Variants in MCTP2 observed in about 807,000 individuals in gnomAD.
MCTP2 encodes multiple C2 and transmembrane domain containing 2, also known as multiple C2 and transmembrane domain-containing protein 2.
A neutral mutation model predicts 111.6 loss-of-function variants in MCTP2; 132 were observed. The observed-to-expected ratio is 1.18, with a 90% CI of 1.03 to 1.37. The LOEUF (loss-of-function observed/expected upper bound fraction) is 1.37, where lower values mean the gene tolerates loss of function less well. Among genes scored for constraint, MCTP2 ranks in the 40% most tolerant of loss-of-function variants. The pLI is 0.00. For synonymous variants in MCTP2, 395 were observed against 387.7 expected, an observed-to-expected ratio of 1.02 and a Z score of -0.22; for missense variants, 1,183 against 1,067.9, an observed-to-expected ratio of 1.11 and a Z score of -1.50.
intron 1 of MCTP2, among the ~76,000 whole-genome samples, chr15:94,292,092 A>C (rs772341769): frequency 4.6e-5 from 7 of 152,234 alleles, no homozygotes; most frequent in Admixed American, 6.5e-5. Flanking sequence ...ATAAATCATA[A>C]AGACAAGAGT....
intron 1 of MCTP2, among the ~76,000 whole-genome samples, chr15:94,270,907 T>TAG (rs1157575554): frequency 6.6e-6 from 1 of 152,220 alleles, no homozygotes; most frequent in Non-Finnish European, 1.5e-5. Flanking sequence ...TGTAAGCAAG[T>TAG]ACTCTGCCTT....
intron 2 of MCTP2, among the ~76,000 whole-genome samples, chr15:94,304,736 A>G (rs1404858810): frequency 2.0e-5 from 3 of 152,078 alleles, no homozygotes; most frequent in East Asian, 1.9e-4. Flanking sequence ...CCATCTCACA[A>G]TGGGTACTGA....
intron 4 of MCTP2, among the ~76,000 whole-genome samples, chr15:94,323,618 C>T (rs532377154): frequency 6.6e-4 from 101 of 152,104 alleles, no homozygotes; most frequent in African/African-American, 2.0e-3. Flanking sequence ...ACTAAGCAGC[C>T]CTGTTATTAT....
intron 17 of MCTP2, among the ~76,000 whole-genome samples, chr15:94,437,823 G>A (rs1362182062): frequency 6.6e-6 from 1 of 152,016 alleles, no homozygotes; most frequent in Non-Finnish European, 1.5e-5. Flanking sequence ...ACACACTCAT[G>A]TGGGAACTTG....
chr15:94,465,747 T>C (rs940079932), intron 20 of MCTP2, among the ~76,000 whole-genome samples: 1 of 152,210 alleles, frequency 6.6e-6, no homozygotes, highest in Non-Finnish European at 1.5e-5. Flanking sequence ...TTAATAGTAG[T>C]GTTTACTTGC....
chr15:94,310,045 C>T (rs1004590617), intron 2 of MCTP2, among the ~76,000 whole-genome samples: 1 of 152,160 alleles, frequency 6.6e-6, no homozygotes, highest in Non-Finnish European at 1.5e-5. Context: ...TGAGTATGTA[C>T]TTGTACAAAA....
At chr15:94,447,966 A>G (rs946938773) in intron 19 of MCTP2, among the ~76,000 whole-genome samples, 1 of 152,190 alleles carries the variant, frequency 6.6e-6, no homozygotes, top group Non-Finnish European at 1.5e-5. Flanking sequence ...ATTTGATTTA[A>G]TATGGTTTTT....
chr15:94,266,777 A>G (rs1306405021), intron 1 of MCTP2, among the ~76,000 whole-genome samples: 1 of 152,226 alleles, frequency 6.6e-6, no homozygotes, highest in Non-Finnish European at 1.5e-5. Flanking sequence ...GTCTTGCCAT[A>G]TAAAAGGAAA....
intron 20 of MCTP2, among the ~76,000 whole-genome samples, chr15:94,459,456 G>A (rs1019593678): frequency 7.9e-5 from 12 of 152,020 alleles, no homozygotes; most frequent in South Asian, 2.1e-4. Context: ...CATAGTAAAC[G>A]TGTATGTTTA....
chr15:94,315,645 C>G lies in MCTP2; in HGVS notation c.637+8C>G, dbSNP rs751695616. 44 of 1,605,724 alleles carry G rather than the reference C, an allele frequency of 2.7e-5. No individual in the cohort carries two copies. The highest frequency in any genetic ancestry group is 3.6e-5 in the Non-Finnish European group (42 of 1,172,602). On this transcript the variant is annotated splice_region_variant and intron_variant, in intron 4 of 22. Coordinates refer to ENST00000357742, the MANE Select transcript of MCTP2 (RefSeq NM_001385001.1). The stretch of plus-strand genomic sequence containing the variant: ...TTGTCCGAGATCGCTGTGGTAAGAC[C>G]TGGGTCTGTTATGGTGGGTGTAGCC...
intron 1 of MCTP2, among the ~76,000 whole-genome samples, chr15:94,237,377 G>A (rs371946873): frequency 2.8e-4 from 43 of 152,004 alleles, no homozygotes; most frequent in African/African-American, 8.7e-4. Context: ...GTGGAAGGAC[G>A]TCCTCAATGT....
At chr15:94,376,085 A>G (rs542932076) in intron 12 of MCTP2, among the ~76,000 whole-genome samples, 1 of 152,144 alleles carries the variant, frequency 6.6e-6, no homozygotes, top group African/African-American at 2.4e-5. Context: ...ACTGCAGGAC[A>G]TGAGGTGTAG....
intron 17 of MCTP2, among the ~76,000 whole-genome samples, chr15:94,436,118 T>C (rs567156408): frequency 2.6e-5 from 4 of 152,274 alleles, no homozygotes; most frequent in Middle Eastern, 3.4e-3. Flanking sequence ...GCTTACACTC[T>C]CCTTTCAGCG....
At chr15:94,259,366 A>C (rs185630501) in intron 1 of MCTP2, among the ~76,000 whole-genome samples, 2 of 152,276 alleles carry the variant, frequency 1.3e-5, no homozygotes, top group Non-Finnish European at 2.9e-5. Flanking sequence ...TTCTCCTCCT[A>C]TTTCTGCTGC....
intron 12 of MCTP2, among the ~76,000 whole-genome samples, chr15:94,382,933 T>G (rs1324809988): frequency 6.6e-6 from 1 of 152,274 alleles, no homozygotes; most frequent in Non-Finnish European, 1.5e-5. Flanking sequence ...GAAGTGAGTT[T>G]TTTGCTTGGT....
chr15:94,450,341 TGTGCGTGTGTGTGTGCACGCGCAC>T (rs1567732023), intron 19 of MCTP2, among the ~76,000 whole-genome samples: 2 of 152,278 alleles, frequency 1.3e-5, no homozygotes, highest in African/African-American at 4.8e-5. Context: ...TCCATGTGTG[TGTGCGTGTGTGTGTGCACGCGCAC>T]GTGTGCGTCT....
chr15:94,329,337 C>T (rs977206964), intron 4 of MCTP2, among the ~76,000 whole-genome samples: 3 of 152,058 alleles, frequency 2.0e-5, no homozygotes, highest in Non-Finnish European at 2.9e-5. Flanking sequence ...TTTTGATATA[C>T]ATAGTGTATT....
chr15:94,318,294 T>C (rs1449411327), intron 4 of MCTP2, among the ~76,000 whole-genome samples: 1 of 65,614 alleles, frequency 1.5e-5, no homozygotes, highest in Admixed American at 1.7e-4. Context: ...TTTTTTTTTT[T>C]TTTTTTTGAG....
chr15:94,452,489 A>G (rs145974470), intron 19 of MCTP2, among the ~76,000 whole-genome samples: 132 of 152,326 alleles, frequency 8.7e-4, no homozygotes, highest in Admixed American at 2.4e-3. Flanking sequence ...AACCACAAGC[A>G]TTTGCTTATT....
Sources: gnomAD v4.1 joint callset for allele counts (sites outside exome capture counted in the v4.1 genomes callset) on GRCh38, gnomAD v4.1.1 for gene constraint, MANE v1.5 for transcripts, NCBI Gene and HGNC (gene_info 2026-07-23, HGNC 2026-07-21) for gene names.